The following SLIT2 variants were observed in gnomAD, a reference collection of about 807,000 sequenced individuals.
SLIT2 encodes slit homolog 2 protein.
Under a neutral mutation model 185.7 loss-of-function variants are expected in SLIT2, and 41 were observed. The observed-to-expected ratio is 0.22, with a 90% CI of 0.17 to 0.29. The LOEUF (loss-of-function observed/expected upper bound fraction) is 0.29, where lower values mean the gene tolerates loss of function less well. SLIT2 is among the 10% of genes least tolerant of loss of function. SLIT2 has a pLI of 1.00. For missense variants in SLIT2, 1,571 were observed against 1,909.0 expected, an observed-to-expected ratio of 0.82 and a Z score of 3.30; for synonymous variants, 693 against 680.2, an observed-to-expected ratio of 1.02 and a Z score of -0.29.
At chr4:20,452,392 TA>T (rs1712568979) in intron 4 of SLIT2, among the ~76,000 whole-genome samples, 1 of 152,210 alleles carries the variant, frequency 6.6e-6, no homozygotes, top group Non-Finnish European at 1.5e-5. Context: ...ATAATAGGTG[TA>T]AAGCATTTAA....
chr4:20,380,148 T>C (rs906158957), intron 4 of SLIT2, among the ~76,000 whole-genome samples: 2 of 152,126 alleles, frequency 1.3e-5, no homozygotes, highest in African/African-American at 4.8e-5. Flanking sequence ...GACAAAACCC[T>C]TTTATGCAAG....
chr4:20,526,335 A>C (rs753045679), intron 15 of SLIT2, among the ~76,000 whole-genome samples: 1 of 152,166 alleles, frequency 6.6e-6, no homozygotes, highest in African/African-American at 2.4e-5. Context: ...CTGCATAACA[A>C]GTAACATGTT....
intron 11 of SLIT2, among the ~76,000 whole-genome samples, chr4:20,511,420 CTTTT>C (rs1040955182): frequency 1.6e-5 from 2 of 122,056 alleles, no homozygotes; most frequent in Non-Finnish European, 3.5e-5. Context: ...TTTTTTATTT[CTTTT>C]TTTTTTTTTT....
At chr4:20,440,388 A>G (rs1320794282) in intron 4 of SLIT2, among the ~76,000 whole-genome samples, 1 of 152,210 alleles carries the variant, frequency 6.6e-6, no homozygotes, top group African/African-American at 2.4e-5. Flanking sequence ...AAGAAGATAT[A>G]TGGTCTTGTG....
At position 20,374,217 on chromosome 4, in the gene SLIT2, A is replaced by G. The variant is rs557789264; in HGVS notation, c.396-93535A>G. Reference sequence around the variant, plus strand: ...GGGTGTCTGGAGGAATGAACACCAGATATGAAGAGAGTCCTTGTATGTGTT... The same window carrying G: ...GGGTGTCTGGAGGAATGAACACCAGGTATGAAGAGAGTCCTTGTATGTGTT... On this transcript the variant is annotated intron_variant, in intron 4 of 36. Transcript: ENST00000504154. Among the ~76,000 whole-genome samples, 87 of 152,226 alleles carry G rather than the reference A, an allele frequency of 5.7e-4. No individual in the cohort carries two copies. The South Asian group carries it at 0.015, about 25-fold the overall frequency.
chr4:20,536,891 A>G (rs1235763209), intron 18 of SLIT2, among the ~76,000 whole-genome samples: 1 of 152,096 alleles, frequency 6.6e-6, no homozygotes, highest in Non-Finnish European at 1.5e-5. Flanking sequence ...AAAAACTAAG[A>G]AACAAACACA....
At chr4:20,344,940 T>C (rs2109244538) in intron 4 of SLIT2, among the ~76,000 whole-genome samples, 1 of 152,326 alleles carries the variant, frequency 6.6e-6, no homozygotes, top group Non-Finnish European at 1.5e-5. Flanking sequence ...AATTCTGTAG[T>C]GCTTACCTTG....
At chr4:20,436,917 A>C (rs563088191) in intron 4 of SLIT2, among the ~76,000 whole-genome samples, 1 of 152,238 alleles carries the variant, frequency 6.6e-6, no homozygotes, top group Non-Finnish European at 1.5e-5. Context: ...AAAACTAGGC[A>C]AAGTCCAAAA....
At chr4:20,387,804 G>A (rs537298012) in intron 4 of SLIT2, among the ~76,000 whole-genome samples, 36 of 152,150 alleles carry the variant, frequency 2.4e-4, no homozygotes, top group Non-Finnish European at 3.4e-4. Context: ...ACCTGGATGG[G>A]CCTGGAAGTG....
chr4:20,535,118 A>G (rs1246165564), intron 18 of SLIT2, among the ~76,000 whole-genome samples: 1 of 151,936 alleles, frequency 6.6e-6, no homozygotes, highest in African/African-American at 2.4e-5. Flanking sequence ...GGCCAATATG[A>G]TGACATCCGG....
At chr4:20,312,271 C>A (rs557873203) in intron 4 of SLIT2, among the ~76,000 whole-genome samples, 2 of 151,974 alleles carry the variant, frequency 1.3e-5, no homozygotes, top group East Asian at 3.9e-4. Context: ...TTATTGTGAA[C>A]CAAGAGGAGA....
chr4:20,565,798 AAAAC>A (rs574236489), intron 26 of SLIT2, among the ~76,000 whole-genome samples: 290 of 152,122 alleles, frequency 1.9e-3, no homozygotes, highest in Non-Finnish European at 3.3e-3. Flanking sequence ...CTAATGGTTA[AAAAC>A]AAACAAACAA....
chr4:20,516,094 C>T (rs1393531340), intron 11 of SLIT2, among the ~76,000 whole-genome samples: 1 of 152,204 alleles, frequency 6.6e-6, no homozygotes, highest in Non-Finnish European at 1.5e-5. Context: ...GGACTACAGG[C>T]GTGAGCCACT....
At chr4:20,516,860 T>C (rs116757716) in intron 11 of SLIT2, among the ~76,000 whole-genome samples, 5,249 of 152,320 alleles carry the variant, frequency 0.034, 119 homozygotes, top group Admixed American at 0.077. Context: ...ATAGATTTCC[T>C]GTATCCTAGT....
intron 21 of SLIT2, among the ~76,000 whole-genome samples, chr4:20,543,667 T>C (rs1343259572): frequency 1.3e-5 from 2 of 152,192 alleles, no homozygotes; most frequent in Non-Finnish European, 2.9e-5. Flanking sequence ...ATTTCAATTT[T>C]TAAGGATCTT....
rs1273524352 is a variant in SLIT2 at position 20,568,870 on chromosome 4, T to C, written c.2954T>C (p.Ile985Thr). The C allele has an allele frequency of 2.5e-6, 4 of 1,611,842 alleles. No homozygotes were observed. Among genetic ancestry groups the C allele is most frequent in the Non-Finnish European group, 3.4e-6 (4 of 1,178,482 alleles). ...KEGEEDGFWC[I>T]CADGFEGENC... ...TTTTCTCCTCTGGCATTCAGGTGTA[T>C]TTGTGCTGATGGATTTGAAGGAGAA... is the stretch of plus-strand genomic sequence containing the variant. Residue 985 changes from isoleucine to threonine, a missense_variant, in exon 29 of 37, where the codon ATT becomes ACT. By Grantham distance (89) the Ile-to-Thr change is moderately conservative. Transcript: ENST00000504154.
chr4:20,537,551 A>C (rs1472576585), intron 18 of SLIT2, among the ~76,000 whole-genome samples: 1 of 152,158 alleles, frequency 6.6e-6, no homozygotes, highest in Non-Finnish European at 1.5e-5. Context: ...CCCTGTGAAA[A>C]GTTATCTAAA....
At chr4:20,305,032 G>A (rs182192121) in intron 4 of SLIT2, among the ~76,000 whole-genome samples, 25 of 152,148 alleles carry the variant, frequency 1.6e-4, no homozygotes, top group Non-Finnish European at 2.5e-4. Context: ...TGAATTCTTC[G>A]AAGAATGAAT....
chr4:20,336,330 A>G (rs986849605), intron 4 of SLIT2, among the ~76,000 whole-genome samples: 1 of 152,218 alleles, frequency 6.6e-6, no homozygotes, highest in Non-Finnish European at 1.5e-5. Flanking sequence ...GCACATATAC[A>G]CCATGGAATA....
Sources: gnomAD v4.1 joint callset for allele counts (sites outside exome capture counted in the v4.1 genomes callset) on GRCh38, gnomAD v4.1.1 for gene constraint, MANE v1.5 for transcripts, NCBI Gene and HGNC (gene_info 2026-07-23, HGNC 2026-07-21) for gene names.